The following RCAN2 variants were observed in gnomAD, a reference collection of about 807,000 sequenced individuals.
The protein encoded by RCAN2 is regulator of calcineurin 2.
RCAN2 carries 9 observed loss-of-function variants against 23.6 expected under a neutral mutation model. The observed-to-expected ratio is 0.38, with a 90% CI of 0.23 to 0.67. The LOEUF is 0.67. RCAN2 is among the 30% of genes least tolerant of loss of function. RCAN2 has a pLI of 0.51. For synonymous variants in RCAN2, 109 were observed against 115.7 expected, an observed-to-expected ratio of 0.94 and a Z score of 0.37; for missense variants, 273 against 302.3, an observed-to-expected ratio of 0.90 and a Z score of 0.72.
In RCAN2 at chr6:46,360,634, T is replaced by A. The variant is rs1764983291; in HGVS notation, c.225+96118A>T. On this transcript the variant is annotated intron_variant, in intron 2 of 4. Coordinates refer to ENST00000371374, the MANE Select transcript of RCAN2 (RefSeq NM_001251974.2). ...ACTATTTTGAAGAAATCATCACTGT[T>A]TTAAGAAACTGAGGATAAAAGACAG... Among the ~76,000 whole-genome samples the A allele has an allele frequency of 2.6e-5, 4 of 151,884 alleles. No individual in the cohort carries two copies. In the South Asian group the frequency reaches 8.3e-4, roughly 32 times the overall value.
intron 2 of RCAN2, among the ~76,000 whole-genome samples, chr6:46,392,559 C>A (rs990449482): frequency 5.1e-4 from 77 of 152,104 alleles, no homozygotes; most frequent in Non-Finnish European, 7.3e-5. Flanking sequence ...GAAGACCATC[C>A]ATAACAAGGA....
At chr6:46,283,604 G>A (rs565211638) in intron 2 of RCAN2, among the ~76,000 whole-genome samples, 14 of 152,242 alleles carry the variant, frequency 9.2e-5, no homozygotes, top group African/African-American at 3.1e-4. Context: ...AGGTATCTGT[G>A]CAGCCTTGCT....
At chr6:46,361,222 G>A (rs908163698) in intron 2 of RCAN2, among the ~76,000 whole-genome samples, 3 of 152,162 alleles carry the variant, frequency 2.0e-5, no homozygotes, top group Admixed American at 2.0e-4. Context: ...GGGGAAGGGT[G>A]AGAGAAAGGA....
At chr6:46,490,507 A>G (rs1769109554) in intron 1 of RCAN2, among the ~76,000 whole-genome samples, 1 of 152,182 alleles carries the variant, frequency 6.6e-6, no homozygotes. Flanking sequence ...GAGGCGGCCG[A>G]GGGATCAGGC....
At chr6:46,458,500 T>G (rs1399167470) in intron 1 of RCAN2, among the ~76,000 whole-genome samples, 2 of 152,154 alleles carry the variant, frequency 1.3e-5, no homozygotes, top group African/African-American at 2.4e-5. Context: ...TAAAAATTTC[T>G]ATATAAAATA....
chr6:46,242,646 T>G lies in RCAN2; in HGVS notation c.571+4102A>C, dbSNP rs151333658. ...TTCTGGAACTGAGGTAGTCATTCTT[T>G]AACATGCAATTAGTTATAATTTGTT... On this transcript the variant is annotated intron_variant, in intron 4 of 4. Coordinates refer to ENST00000371374, the MANE Select transcript of RCAN2 (RefSeq NM_001251974.2). 4.0e-3 allele frequency among the ~76,000 whole-genome samples: 609 copies of G among 152,352 alleles called. 3 individuals are homozygous for G. The highest frequency in any genetic ancestry group is 0.021 in the South Asian group (103 of 4,824).
intron 2 of RCAN2, among the ~76,000 whole-genome samples, chr6:46,418,884 T>G (rs1266393535): frequency 6.6e-6 from 1 of 151,432 alleles, no homozygotes; most frequent in Non-Finnish European, 1.5e-5. Flanking sequence ...GGTCAGGAGA[T>G]CAAGACCATC....
chr6:46,422,481 A>C (rs1190214506), intron 2 of RCAN2, among the ~76,000 whole-genome samples: 1 of 152,220 alleles, frequency 6.6e-6, no homozygotes, highest in Non-Finnish European at 1.5e-5. Context: ...GAAGCTAGTA[A>C]AAGAAAAAGA....
At chr6:46,487,701 A>G (rs1769033809) in intron 1 of RCAN2, among the ~76,000 whole-genome samples, 1 of 152,264 alleles carries the variant, frequency 6.6e-6, no homozygotes, top group African/African-American at 2.4e-5. Context: ...TTTAGTGCCC[A>G]GGCAGGCAGG....
rs376249523 is a variant in RCAN2, at chr6:46,243,654, A to G, written c.571+3094T>C. Among the ~76,000 whole-genome samples, 9 of 152,022 alleles carry G rather than the reference A, an allele frequency of 5.9e-5. No individual in the cohort carries two copies. The South Asian group carries it at 1.7e-3, about 28-fold the overall frequency. ...TGAAACCCCGTCTGTACTAAAAAAT[A>G]TAAAAATTAGCCAGGTGTGGTGGCA... On this transcript the variant is annotated intron_variant, in intron 4 of 4. Transcript: ENST00000371374.
chr6:46,303,712 G>C (rs1655246032), intron 2 of RCAN2, among the ~76,000 whole-genome samples: 1 of 152,056 alleles, frequency 6.6e-6, no homozygotes, highest in Admixed American at 6.6e-5. Flanking sequence ...GATTAGTTTT[G>C]CCTGTTCCTA....
intron 1 of RCAN2, among the ~76,000 whole-genome samples, 175 bp downstream of exon 1, chr6:46,490,998 A>G (rs1209636604): frequency 7.3e-5 from 7 of 96,226 alleles, no homozygotes; most frequent in African/African-American, 2.2e-4. Context: ...CACCCCCGCC[A>G]CTGCCCCCAC....
chr6:46,311,938 C>T (rs555227976), intron 2 of RCAN2, among the ~76,000 whole-genome samples: 3 of 152,258 alleles, frequency 2.0e-5, no homozygotes, highest in Non-Finnish European at 2.9e-5. Flanking sequence ...TATTCTCAGC[C>T]CCTCTTGTGT....
At chr6:46,305,253 G>A (rs950209832) in intron 2 of RCAN2, among the ~76,000 whole-genome samples, 1 of 152,102 alleles carries the variant, frequency 6.6e-6, no homozygotes, top group African/African-American at 2.4e-5. Context: ...ATGCATGGTG[G>A]CTGGGAGCTA....
intron 1 of RCAN2, among the ~76,000 whole-genome samples, chr6:46,482,050 G>A (rs1348476263): frequency 6.6e-6 from 1 of 151,780 alleles, no homozygotes; most frequent in Non-Finnish European, 1.5e-5. Flanking sequence ...GATCCAAAAA[G>A]GAATAATAAA....
chr6:46,452,720 A>G (rs1319690896), intron 2 of RCAN2, among the ~76,000 whole-genome samples: 1 of 152,232 alleles, frequency 6.6e-6, no homozygotes, highest in Non-Finnish European at 1.5e-5. Flanking sequence ...ACTCATGTTT[A>G]TAAAGCACCT....
At chr6:46,285,464 C>G (rs369362937) in intron 2 of RCAN2, among the ~76,000 whole-genome samples, 1 of 152,094 alleles carries the variant, frequency 6.6e-6, no homozygotes, top group Non-Finnish European at 1.5e-5. Flanking sequence ...ATTGCAAAGT[C>G]GCAAATAAAG....
intron 2 of RCAN2, among the ~76,000 whole-genome samples, chr6:46,293,186 C>T (rs142086742): frequency 0.03 from 4,586 of 152,204 alleles, 204 homozygotes; most frequent in African/African-American, 0.1. Context: ...AATAAACATA[C>T]GTGTGCATGT....
At chr6:46,486,983 T>C (rs542497580) in intron 1 of RCAN2, among the ~76,000 whole-genome samples, 1 of 152,224 alleles carries the variant, frequency 6.6e-6, no homozygotes, top group South Asian at 2.1e-4. Context: ...TTACAATATA[T>C]GACACCTAGA....
Sources: allele counts gnomAD v4.1 joint callset (sites outside exome capture counted in the v4.1 genomes callset), GRCh38; gene constraint gnomAD v4.1.1; transcripts MANE v1.5; gene names NCBI Gene and HGNC (gene_info 2026-07-23, HGNC 2026-07-21).